The following GSE1 variants were observed in gnomAD, a reference collection of about 807,000 sequenced individuals.
The protein encoded by GSE1 is genetic suppressor element 1.
GSE1 carries 32 observed loss-of-function variants against 112.6 expected under a neutral mutation model. That is an observed-to-expected ratio of 0.28 (90% CI 0.21 to 0.38). The LOEUF is 0.38. Among genes scored for constraint, GSE1 ranks in the 10% least tolerant of loss-of-function variants. GSE1 has a pLI of 1.00. For synonymous variants in GSE1, 1,115 were observed against 735.6 expected (o/e 1.52, Z -8.35); for missense variants, 2,348 against 1,699.2 (o/e 1.38, Z -6.71).
chr16:85,614,523 G>C (rs1442799505), intron 1 of GSE1, among the ~76,000 whole-genome samples: 1 of 152,146 alleles, frequency 6.6e-6, no homozygotes, highest in Non-Finnish European at 1.5e-5. Flanking sequence ...CCAGATGGGG[G>C]GAAGGGACAC....
intron 2 of GSE1, among the ~76,000 whole-genome samples, chr16:85,388,397 T>C (rs1304014316): frequency 7.5e-6 from 1 of 132,872 alleles, no homozygotes; most frequent in African/African-American, 3.0e-5. Flanking sequence ...GATGGATGGA[T>C]GGATGGATGG....
At chr16:85,438,699 T>C (rs1004944825) in intron 2 of GSE1, among the ~76,000 whole-genome samples, 1 of 152,216 alleles carries the variant, frequency 6.6e-6, no homozygotes, top group East Asian at 1.9e-4. Context: ...GAATGACTGC[T>C]TGAGCGAGTG....
At chr16:85,207,436 T>C (rs2075138668) in intron 1 of GSE1, among the ~76,000 whole-genome samples, 1 of 152,170 alleles carries the variant, frequency 6.6e-6, no homozygotes, top group African/African-American at 2.4e-5. Context: ...GGCCCCCGGG[T>C]GATGGCAGTG....
Position 85,416,276 on chromosome 16 carries a change from G to A in GSE1, c.2464+58633G>A, listed in dbSNP as rs145597646. Among the ~76,000 whole-genome samples, 1,287 of 152,338 alleles carry A rather than the reference G, an allele frequency of 8.4e-3. 15 individuals are homozygous for A. The highest frequency in any genetic ancestry group is 0.029 in the African/African-American group (1,205 of 41,588). On this transcript the variant is annotated intron_variant, in intron 2 of 2. Coordinates refer to the GSE1 transcript ENST00000637419. ...ATGAACCGCTCTTGGAACCCGGCTC[G>A]CCAGCCTGCTGGAGGAGGGAGGGGC...
At chr16:85,298,176 C>G (rs2045419901) in intron 1 of GSE1, among the ~76,000 whole-genome samples, 1 of 152,320 alleles carries the variant, frequency 6.6e-6, no homozygotes. Context: ...GCCTGGGACT[C>G]TGTATTTCTG....
At chr16:85,264,782 C>T (rs1214127877) in intron 1 of GSE1, among the ~76,000 whole-genome samples, 1 of 152,140 alleles carries the variant, frequency 6.6e-6, no homozygotes, top group Admixed American at 6.5e-5. Flanking sequence ...TGTGGAGACC[C>T]CTGGTGTCAG....
intron 2 of GSE1, among the ~76,000 whole-genome samples, chr16:85,523,029 G>T (rs938156943): frequency 1.3e-5 from 2 of 151,960 alleles, no homozygotes; most frequent in African/African-American, 4.8e-5. Flanking sequence ...GTGTGTATGC[G>T]TGTGTGTCTT....
intron 1 of GSE1, among the ~76,000 whole-genome samples, chr16:85,299,551 TTCA>T (rs2045459418): frequency 1.3e-5 from 2 of 152,254 alleles, no homozygotes; most frequent in African/African-American, 4.8e-5. Context: ...GCTTTGAGGA[TTCA>T]AGCCCAGCAT....
chr16:85,503,227 G>A (rs749043243), intron 2 of GSE1, among the ~76,000 whole-genome samples: 7 of 152,186 alleles, frequency 4.6e-5, no homozygotes, highest in East Asian at 1.9e-4. Context: ...TCCATTCCCC[G>A]TGACTTTCTC....
At chr16:85,636,923 T>TACCCCCCCAGCTCCCCTGTGCTA (rs2050052091) in intron 2 of GSE1, among the ~76,000 whole-genome samples, 1 of 150,326 alleles carries the variant, frequency 6.7e-6, no homozygotes, top group Non-Finnish European at 1.5e-5. Flanking sequence ...TCCCCTGTGC[T>TACCCCCCCAGCTCCCCTGTGCTA]ACCCCCCCAG....
chr16:85,286,591 G>T (rs192673735), intron 1 of GSE1, among the ~76,000 whole-genome samples: 2 of 152,334 alleles, frequency 1.3e-5, no homozygotes, highest in African/African-American at 4.8e-5. Flanking sequence ...GAGTGGGCCG[G>T]TCGGAGCTGC....
chr16:85,266,709 T>G (rs1597234774), intron 1 of GSE1, among the ~76,000 whole-genome samples: 1 of 137,376 alleles, frequency 7.3e-6, no homozygotes, highest in Non-Finnish European at 1.5e-5. Context: ...GAGGGCAGCA[T>G]GAAGGAGGGG....
intron 2 of GSE1, among the ~76,000 whole-genome samples, chr16:85,460,144 A>G (rs2049933261): frequency 6.6e-6 from 1 of 151,398 alleles, no homozygotes; most frequent in South Asian, 2.1e-4. Context: ...CCAGATAAAC[A>G]CTCCCCTACA....
chr16:85,534,592 C>T (rs779747466), intron 2 of GSE1, among the ~76,000 whole-genome samples: 10 of 152,176 alleles, frequency 6.6e-5, no homozygotes, highest in Non-Finnish European at 1.2e-4. Flanking sequence ...CCACTGTATG[C>T]GCGTACTACA....
At chr16:85,315,877 A>G (rs8052592) in intron 1 of GSE1, among the ~76,000 whole-genome samples, 23,486 of 152,152 alleles carry the variant, frequency 0.15, 1,946 homozygotes, top group Middle Eastern at 0.27. Context: ...GAAAGGACCA[A>G]GCAAGTGTAT....
chr16:85,481,527 C>A (rs969486854), intron 2 of GSE1, among the ~76,000 whole-genome samples: 1 of 152,158 alleles, frequency 6.6e-6, no homozygotes, highest in African/African-American at 2.4e-5. Context: ...CCTCTTCCTT[C>A]CAGGTGGGGA....
chr16:85,670,506 T>C (rs1015945491), intron 14 of GSE1: 2 of 152,204 alleles, frequency 1.3e-5, no homozygotes, highest in African/African-American at 4.8e-5. Context: ...GTGAGCACTT[T>C]CCCTGTTTTT....
chr16:85,329,973 C>G (rs1597403834), intron 1 of GSE1, among the ~76,000 whole-genome samples: 1 of 152,060 alleles, frequency 6.6e-6, no homozygotes, highest in East Asian at 2.0e-4. Context: ...CCAGGGGCTC[C>G]CATGCTTCCT....
intron 2 of GSE1, among the ~76,000 whole-genome samples, chr16:85,530,041 T>A (rs2044088699): frequency 6.6e-6 from 1 of 152,338 alleles, no homozygotes; most frequent in South Asian, 2.1e-4. Context: ...TGCCCGCATG[T>A]ACCCAGCGTT....
Sources: gnomAD v4.1 joint callset for allele counts (sites outside exome capture counted in the v4.1 genomes callset) on GRCh38, gnomAD v4.1.1 for gene constraint, MANE v1.5 for transcripts, NCBI Gene and HGNC (gene_info 2026-07-23, HGNC 2026-07-21) for gene names.